CADM4: variants seen among roughly 807,000 people sequenced by gnomAD.
The protein encoded by CADM4 is TSLC1-like 2.
Under a neutral mutation model 43.9 loss-of-function variants are expected in CADM4, and 13 were observed. The ratio of observed to expected loss-of-function variants is 0.30; its 90% CI spans 0.19 to 0.47. The LOEUF is 0.47. Ranked by LOEUF, CADM4 falls within the 20% of genes least tolerant of loss-of-function variation. CADM4 has a pLI of 1.00. For missense variants in CADM4, 420 were observed against 527.0 expected, an observed-to-expected ratio of 0.80 and a Z score of 1.99; for synonymous variants, 209 against 220.9, an observed-to-expected ratio of 0.95 and a Z score of 0.48.
In CADM4 at chr19:43,626,803, C is replaced by G; in HGVS notation, c.480G>C (p.Arg160=). The G allele has an allele frequency of 6.2e-7, 1 of 1,602,716 alleles. No individual in the cohort carries two copies. Among genetic ancestry groups the G allele is most frequent in the South Asian group, 1.1e-5 (1 of 90,266 alleles). ...GGGTACCTTTCAGCTCCTTGCGGTC[C>G]CGGTACCAGCGCAGGGTGGCAGCCG... ...SRPAATLRWY[R]DRKELKGVSS... is the part of the protein sequence containing the mutation. The change falls in exon 4 of 9, where the codon CGG becomes CGC. Residue 160 remains arginine, a synonymous_variant. Transcript: ENST00000222374. This position sits in a 1 kb window ranked among gnomAD's most constrained non-coding sequence, Gnocchi z 5.9.
At chr19:43,624,766 C>G in intron 7 of CADM4, 2 of 384,498 alleles carry the variant, frequency 5.2e-6, no homozygotes, top group East Asian at 1.0e-4. Flanking sequence ...AAACACAGAA[C>G]AGCTGTGTGC....
intron 1 of CADM4, among the ~76,000 whole-genome samples, chr19:43,634,371 A>G (rs1034746948): frequency 2.0e-5 from 3 of 152,186 alleles, no homozygotes; most frequent in Non-Finnish European, 4.4e-5. Flanking sequence ...GATGTGGAGA[A>G]TGAGGCTTAG....
Position 43,625,330 on chromosome 19 carries a change from G to T in CADM4, c.756-80C>A. 7.1e-7 allele frequency: 1 copy of T among 1,410,458 alleles called. No individual in the cohort carries two copies. The highest frequency in any genetic ancestry group is 9.6e-7 in the Non-Finnish European group (1 of 1,037,754). The allele number at this position is 1,410,458 out of a possible 1,614,324, so 87.4% of individuals were successfully genotyped here. ...TCTGACTTGTCAAGAATCTAGACATGCAACTCTCATCCCGCAGGGACCTCC... is the reference window on the plus strand; with the variant it reads ...TCTGACTTGTCAAGAATCTAGACATTCAACTCTCATCCCGCAGGGACCTCC... On this transcript the variant is annotated intron_variant, in intron 6 of 8. Transcript: ENST00000222374. The surrounding 1 kb of genome is among the most constrained non-coding windows in gnomAD (Gnocchi z 4.5).
In CADM4 at chr19:43,625,329, T is replaced by C. The variant is rs571564620; in HGVS notation, c.756-79A>G. 1 of 1,416,294 alleles carries C rather than the reference T, an allele frequency of 7.1e-7. No individual in the cohort carries two copies. Among genetic ancestry groups the C allele is most frequent in the Non-Finnish European group, 9.6e-7 (1 of 1,042,490 alleles). The allele number at this position is 1,416,294 out of a possible 1,614,324, so 87.7% of individuals were successfully genotyped here. ...TTCTGACTTGTCAAGAATCTAGACATGCAACTCTCATCCCGCAGGGACCTC... is the reference window on the plus strand; with the variant it reads ...TTCTGACTTGTCAAGAATCTAGACACGCAACTCTCATCCCGCAGGGACCTC... On this transcript the variant is annotated intron_variant, in intron 6 of 8. Transcript: ENST00000222374. This position sits in a 1 kb window ranked among gnomAD's most constrained non-coding sequence, Gnocchi z 4.5.
In CADM4 at chr19:43,624,255, C is replaced by G. The variant is rs1973487433; in HGVS notation, c.929-13G>C. The G allele has an allele frequency of 6.2e-7, 1 of 1,614,150 alleles. No individual in the cohort carries two copies. Among genetic ancestry groups the G allele is most frequent in the South Asian group, 1.1e-5 (1 of 91,086 alleles). ...ACCGCACCAGGGTCTGCCAGAGGGACACGGCACAGGACCAGGTCATCAGAG... is the reference window on the plus strand; with the variant it reads ...ACCGCACCAGGGTCTGCCAGAGGGAGACGGCACAGGACCAGGTCATCAGAG... On this transcript the variant is annotated splice_polypyrimidine_tract_variant and intron_variant, in intron 7 of 8. Transcript: ENST00000222374.
At chr19:43,637,116 C>T (rs1600102966) in intron 1 of CADM4, among the ~76,000 whole-genome samples, 1 of 152,276 alleles carries the variant, frequency 6.6e-6, no homozygotes, top group South Asian at 2.1e-4. Context: ...TGCTTTCTCT[C>T]CTCTGCCCAC....
In CADM4 at chr19:43,639,805, C is replaced by CGCCGCCGCCGCT; in HGVS notation, c.-27_-16dup. ...GCCCGGCCCATGGTGCCGCCGCCGC[C>CGCCGCCGCCGCT]GCCGCCGCCGCTCGCTCCCGGCCCG... On this transcript the variant is annotated 5_prime_UTR_variant, in exon 1 of 9. Coordinates refer to ENST00000222374, the MANE Select transcript of CADM4 (RefSeq NM_145296.2). 1.0e-6 allele frequency: 1 copy of CGCCGCCGCCGCT among 1,000,302 alleles called. No homozygotes were observed. Among genetic ancestry groups the CGCCGCCGCCGCT allele is most frequent in the Non-Finnish European group, 1.2e-6 (1 of 843,986 alleles). The allele number at this position is 1,000,302 out of a possible 1,614,324, so 62.0% of individuals were successfully genotyped here.
At chr19:43,636,458 C>A (rs1257804101) in intron 1 of CADM4, among the ~76,000 whole-genome samples, 1 of 152,160 alleles carries the variant, frequency 6.6e-6, no homozygotes, top group African/African-American at 2.4e-5. Context: ...CAGCACCTGC[C>A]CCTTGCCCCA....
In CADM4 at chr19:43,626,146, C is replaced by T. The variant is rs199809687; in HGVS notation, c.642G>A (p.Thr214=). 4 of 1,613,930 alleles carry T rather than the reference C, an allele frequency of 2.5e-6. No individual in the cohort carries two copies. In the East Asian group the frequency reaches 6.7e-5, roughly 27 times the overall value. ...TACACTGCACATCCAGCACGTACTGCGTCTGCTTGCTGTGTCCGGAGGGCA... is the reference window on the plus strand; with the variant it reads ...TACACTGCACATCCAGCACGTACTGTGTCTGCTTGCTGTGTCCGGAGGGCA... The part of the protein sequence containing the change: ...QALPSGHSKQ[T]QYVLDVQYSP... The change falls in exon 5 of 9, where the codon ACG becomes ACA. Residue 214 remains threonine, a synonymous_variant. Coordinates refer to ENST00000222374, the MANE Select transcript of CADM4 (RefSeq NM_145296.2). The surrounding 1 kb of genome is among the most constrained non-coding windows in gnomAD (Gnocchi z 5.9).
intron 1 of CADM4, among the ~76,000 whole-genome samples, chr19:43,639,218 C>T (rs1411522707): frequency 2.7e-5 from 4 of 150,934 alleles, no homozygotes; most frequent in African/African-American, 9.8e-5. Context: ...GACAGAGTGA[C>T]CCAGGAAAAG....
In CADM4 at chr19:43,625,153, C is replaced by T; in HGVS notation, c.853G>A (p.Asp285Asn). 1 of 1,614,154 alleles carries T rather than the reference C, an allele frequency of 6.2e-7. No homozygotes were observed. Among genetic ancestry groups the T allele is most frequent in the Non-Finnish European group, 8.5e-7 (1 of 1,180,008 alleles). Reference sequence around the variant, plus strand: ...GCCTCGCAAGTGTAGGTGCCGTTATCCGCGGATACCAGACCCGGCAGCGTG... The same window carrying T: ...GCCTCGCAAGTGTAGGTGCCGTTATTCGCGGATACCAGACCCGGCAGCGTG... ...TLTLPGLVSA[D>N]NGTYTCEASN... is the part of the protein sequence containing the mutation. The change falls in exon 7 of 9, where the codon GAT becomes AAT. Residue 285 changes from aspartate (D) to asparagine (N), a missense_variant. Transcript: ENST00000222374. The surrounding 1 kb of genome is among the most constrained non-coding windows in gnomAD (Gnocchi z 4.5).
rs1254017141 is a variant in CADM4, at chr19:43,622,554, T to C, written c.*776A>G. 6.6e-6 allele frequency: 1 copy of C among 152,242 alleles called. No individual in the cohort carries two copies. The highest frequency in any genetic ancestry group is 2.4e-5 in the African/African-American group (1 of 41,430). 9.4% of individuals were successfully genotyped at this position (152,242 alleles called of 1,614,324 possible). On this transcript the variant is annotated 3_prime_UTR_variant, in exon 9 of 9. Transcript: ENST00000222374. Reference sequence around the variant, plus strand: ...CAATCTGATATTTTCATACAGACTTTTGATTTTTTAATATATTATATATAA... The same window carrying C: ...CAATCTGATATTTTCATACAGACTTCTGATTTTTTAATATATTATATATAA...
At chr19:43,630,281 C>CTTTTT (rs59489315) in intron 1 of CADM4, among the ~76,000 whole-genome samples, 804 of 73,356 alleles carry the variant, frequency 0.011, 5 homozygotes, top group Middle Eastern at 0.029. Context: ...TTTTTCTTTT[C>CTTTTT]TTTTTTTTTT....
chr19:43,641,277 A>G (rs529396865), upstream of CADM4, among the ~76,000 whole-genome samples: 1 of 152,256 alleles, frequency 6.6e-6, no homozygotes, highest in East Asian at 1.9e-4. Context: ...GAAAATCCTT[A>G]CTTTTTATTC....
At chr19:43,632,718 A>T (rs1973644585) in intron 1 of CADM4, among the ~76,000 whole-genome samples, 1 of 151,968 alleles carries the variant, frequency 6.6e-6, no homozygotes, top group South Asian at 2.1e-4. Flanking sequence ...CTCAAATCAT[A>T]TCAGTACCTT....
rs1489222505 is a variant in CADM4, at chr19:43,626,007, A to G, written c.665-6T>C. 1 of 1,614,036 alleles carries G rather than the reference A, an allele frequency of 6.2e-7. No homozygotes were observed. The highest frequency in any genetic ancestry group is 1.3e-5 in the African/African-American group (1 of 74,932). ...AATCCGGGCCGTGGGGGAGTCTGTT[A>G]GGCAAAAGTAAGAGGAGAGAGTAGT... On this transcript the variant is annotated splice_polypyrimidine_tract_variant and splice_region_variant and intron_variant, in intron 5 of 8. Coordinates refer to ENST00000222374, the MANE Select transcript of CADM4 (RefSeq NM_145296.2). This position sits in a 1 kb window ranked among gnomAD's most constrained non-coding sequence, Gnocchi z 5.9.
chr19:43,634,612 G>T (rs1600101452), intron 1 of CADM4, among the ~76,000 whole-genome samples: 1 of 151,366 alleles, frequency 6.6e-6, no homozygotes, highest in South Asian at 2.1e-4. Flanking sequence ...GTTGGGGGTG[G>T]TGGGGGCGGG....
upstream of CADM4, chr19:43,639,855 G>A: frequency 1.0e-6 from 1 of 972,852 alleles, no homozygotes; most frequent in East Asian, 1.2e-4. Context: ...CGCGCCGCCC[G>A]CCCCGCCCCC....
intron 1 of CADM4, among the ~76,000 whole-genome samples, chr19:43,633,828 G>A (rs1260224196): frequency 6.6e-6 from 1 of 151,132 alleles, no homozygotes; most frequent in East Asian, 1.9e-4. Flanking sequence ...CTACAGAGGT[G>A]CGTAGCTATG....
Sources: allele counts gnomAD v4.1 joint callset (sites outside exome capture counted in the v4.1 genomes callset), GRCh38; gene constraint gnomAD v4.1.1; non-coding constraint Gnocchi (gnomAD v3.1); transcripts MANE v1.5; gene names NCBI Gene and HGNC (gene_info 2026-07-23, HGNC 2026-07-21).